Variants in EPG5 observed in about 807,000 individuals in gnomAD.
The protein encoded by EPG5 is ectopic P-granules 5 autophagy tethering factor, also known as ectopic P granules protein 5 homolog.
EPG5 carries 159 observed loss-of-function variants against 302.7 expected under a neutral mutation model. The observed-to-expected ratio is 0.53, with a 90% CI of 0.46 to 0.60. EPG5 has a LOEUF of 0.60. Ranked by LOEUF, EPG5 falls within the 20% of genes least tolerant of loss-of-function variation. EPG5 has a pLI of 0.00. For missense variants in EPG5, 2,896 were observed against 3,092.4 expected (o/e 0.94, Z 1.51); for synonymous variants, 1,158 against 1,136.8 (o/e 1.02, Z -0.37).
intron 21 of EPG5, 140 bp from the exon 22 acceptor site, chr18:45,912,596 C>CGGCCGGGCGCGGTG: frequency 1.1e-6 from 1 of 890,730 alleles, no homozygotes; most frequent in East Asian, 2.8e-5. Context: ...ACATAAAACT[C>CGGCCGGGCGCGGTG]ACTTCTCCAA....
chr18:45,911,280 C>T (rs1363720786), intron 22 of EPG5, among the ~76,000 whole-genome samples: 3 of 149,000 alleles, frequency 2.0e-5, no homozygotes, highest in Non-Finnish European at 4.5e-5. Flanking sequence ...TGCGCCACTG[C>T]GCTGGGTTGT....
chr18:45,821,562 T>A, the EPG5 span, among the ~76,000 whole-genome samples: 1 of 152,036 alleles, frequency 6.6e-6, no homozygotes. Flanking sequence ...ATTTGATGAG[T>A]AAGACCTCAA....
chr18:45,953,932 T>G (rs908046519), intron 2 of EPG5: 1 of 985,212 alleles, frequency 1.0e-6, no homozygotes, highest in Non-Finnish European at 1.2e-6. Flanking sequence ...GTTGGTAGCA[T>G]TATGCCCAAG....
chr18:45,954,989 A>G lies in EPG5; in HGVS notation c.413T>C (p.Phe138Ser). 1 of 1,614,056 alleles carries G rather than the reference A, an allele frequency of 6.2e-7. No individual in the cohort carries two copies. Among genetic ancestry groups the G allele is most frequent in the South Asian group, 1.1e-5 (1 of 91,072 alleles). The change falls in exon 2 of 44, where the codon TTC becomes TCC. Residue 138 changes from phenylalanine (F) to serine (S), a missense_variant. This residue lies in a region of EPG5 where 1,390 missense variants were observed against 1,430.0 expected (regional missense o/e 0.97). Coordinates refer to ENST00000282041, the MANE Select transcript of EPG5 (RefSeq NM_020964.3). ...VGTKVETPKN[F>S]TEVEENMSVQ... ...CGACATATTTTCCTCTACCTCTGTG[A>G]AGTTCTTGGGGGTTTCTACTTTAGT...
intron 1 of EPG5, among the ~76,000 whole-genome samples, chr18:45,961,648 G>A (rs1186872346): frequency 1.3e-5 from 2 of 152,122 alleles, no homozygotes; most frequent in Admixed American, 6.5e-5. Flanking sequence ...ATCACCTGAG[G>A]TCAGGAGTTC....
chr18:45,852,427 A>T lies in EPG5; in HGVS notation c.*40T>A. 6.4e-7 allele frequency: 1 copy of T among 1,572,202 alleles called. No individual in the cohort carries two copies. Among genetic ancestry groups the T allele is most frequent in the East Asian group, 2.2e-5 (1 of 44,598 alleles). On this transcript the variant is annotated 3_prime_UTR_variant, in exon 44 of 44. Coordinates refer to ENST00000282041, the MANE Select transcript of EPG5 (RefSeq NM_020964.3). ...TGTGCAACAGCAAAGTTAAATGTAA[A>T]CATAAACAGCAATGGGTTTTTCAAG...
Position 45,951,192 on chromosome 18 carries a change from C to A in EPG5, c.1299G>T (p.Lys433Asn). 6.3e-7 allele frequency: 1 copy of A among 1,593,560 alleles called. No individual in the cohort carries two copies. Among genetic ancestry groups the A allele is most frequent in the Admixed American group, 1.8e-5 (1 of 56,850 alleles). Residue 433 changes from lysine (K) to asparagine (N), a missense_variant, in exon 4 of 44, where the codon AAG (lysine) becomes AAT (asparagine). This residue lies in a region of EPG5 where 1,390 missense variants were observed against 1,430.0 expected (regional missense o/e 0.97). Coordinates refer to ENST00000282041, the MANE Select transcript of EPG5 (RefSeq NM_020964.3). ...ACATGAATAAGACACTAATGCATTC[C>A]TTTAGTTGACACAGATCAGAGGGAA... ...ESIPSDLCQL[K>N]ECISVLFMFT...
intron 18 of EPG5, 62 bp from the exon 19 acceptor site, chr18:45,916,268 C>A: frequency 6.5e-7 from 1 of 1,543,212 alleles, no homozygotes; most frequent in Non-Finnish European, 8.8e-7. Flanking sequence ...TTTTAAATAG[C>A]AACAAAATGC....
chr18:45,949,836 T>G (rs746403001), intron 4 of EPG5, among the ~76,000 whole-genome samples: 12 of 152,240 alleles, frequency 7.9e-5, no homozygotes, highest in Non-Finnish European at 1.5e-4. Context: ...AACAAATCAC[T>G]AATTTCCTGG....
chr18:45,879,276 T>C (rs998627743), intron 32 of EPG5, 62 bp from the exon 33 acceptor site: 6 of 1,191,130 alleles, frequency 5.0e-6, no homozygotes, highest in Non-Finnish European at 7.2e-6. Flanking sequence ...AGTGTTATGA[T>C]ACACTGTGAT....
chr18:45,811,178 G>A, the EPG5 span, among the ~76,000 whole-genome samples: 1 of 152,122 alleles, frequency 6.6e-6, no homozygotes, highest in Non-Finnish European at 1.5e-5. Context: ...AGTCAGACAA[G>A]AGAAAGAAAT....
chr18:45,855,394 C>CA (rs2048493760), intron 43 of EPG5, 179 bp downstream of exon 43: 1 of 543,608 alleles, frequency 1.8e-6, no homozygotes, highest in Non-Finnish European at 3.3e-6. Context: ...CAACTGCCTA[C>CA]AAAAATTTGG....
the EPG5 span, among the ~76,000 whole-genome samples, chr18:45,808,483 A>T: frequency 6.6e-6 from 1 of 152,238 alleles, no homozygotes; most frequent in Non-Finnish European, 1.5e-5. Flanking sequence ...AGATAAAGGC[A>T]CTAGGTAACC....
the EPG5 span, among the ~76,000 whole-genome samples, chr18:45,815,989 A>G: frequency 6.6e-6 from 1 of 152,230 alleles, no homozygotes; most frequent in Non-Finnish European, 1.5e-5. Flanking sequence ...AAAGCCAAAT[A>G]CTTACAGCCA....
Position 45,882,473 on chromosome 18 carries a change from T to C in EPG5, c.5319A>G (p.Gln1773=), listed in dbSNP as rs769303041. 1.9e-6 allele frequency: 3 copies of C among 1,606,820 alleles called. No individual in the cohort carries two copies. In the Admixed American group the frequency reaches 5.2e-5, roughly 28 times the overall value. Residue 1773 remains glutamine, a synonymous_variant, in exon 31 of 44, where the codon CAA becomes CAG. Transcript: ENST00000282041. ...GAGGAGGTTTAGTGGCGCTTAACCATTGTTTAAGATCGAACTAAAAAGAAA... is the reference window on the plus strand; with the variant it reads ...GAGGAGGTTTAGTGGCGCTTAACCACTGTTTAAGATCGAACTAAAAAGAAA... ...FMLLTKFDLK[Q]WLSATKPPLS... is the part of the protein sequence containing the mutation.
chr18:45,864,230 C>T (rs927553173), intron 39 of EPG5, among the ~76,000 whole-genome samples: 16 of 152,116 alleles, frequency 1.1e-4, no homozygotes, highest in South Asian at 2.1e-4. Context: ...CTCCTGCCTC[C>T]GCCTCCATGC....
intron 27 of EPG5, among the ~76,000 whole-genome samples, chr18:45,892,359 T>C (rs9957464): frequency 0.044 from 6,623 of 152,230 alleles, 419 homozygotes; most frequent in African/African-American, 0.14. Flanking sequence ...TAGTAGACAA[T>C]AGAACAAAGT....
chr18:45,889,962 A>C (rs1341388946), intron 27 of EPG5, 22 bp from the exon 28 acceptor site: 1 of 1,546,418 alleles, frequency 6.5e-7, no homozygotes, highest in African/African-American at 1.4e-5. Flanking sequence ...TAAAGTTATC[A>C]AAAGACATTT....
the EPG5 span, among the ~76,000 whole-genome samples, chr18:45,811,326 C>A: frequency 1.3e-5 from 2 of 152,118 alleles, no homozygotes; most frequent in African/African-American, 4.8e-5. Flanking sequence ...CAAATTCTAC[C>A]AGAGGTACAA....
Sources: gnomAD v4.1 joint callset for allele counts (sites outside exome capture counted in the v4.1 genomes callset) on GRCh38, gnomAD v4.1.1 for gene constraint, gnomAD v4.1.1 regional missense constraint, MANE v1.5 for transcripts, NCBI Gene and HGNC (gene_info 2026-07-23, HGNC 2026-07-21) for gene names.